Variants in KCNN2 observed in about 807,000 individuals in gnomAD.
KCNN2 encodes potassium calcium-activated channel subfamily N member 2, also known as small conductance calcium-activated potassium channel protein 2.
A neutral mutation model predicts 55.5 loss-of-function variants in KCNN2; 24 were observed. That is an observed-to-expected ratio of 0.43 (90% CI 0.31 to 0.61). The LOEUF is 0.61. KCNN2 is among the 20% of genes least tolerant of loss of function. The pLI is 0.08. For synonymous variants in KCNN2, 431 were observed against 336.1 expected (o/e 1.28, Z -3.09); for missense variants, 754 against 853.6 (o/e 0.88, Z 1.45).
intron 1 of KCNN2, among the ~76,000 whole-genome samples, chr5:114,160,832 C>CG (rs1291004521): frequency 5.3e-5 from 8 of 152,006 alleles, no homozygotes; most frequent in Non-Finnish European, 7.4e-5. Flanking sequence ...GCAACCCCTG[C>CG]CTTTTTTTGT....
At chr5:114,373,180 C>G (rs1329903405) in intron 2 of KCNN2, among the ~76,000 whole-genome samples, 1 of 152,040 alleles carries the variant, frequency 6.6e-6, no homozygotes, top group Non-Finnish European at 1.5e-5. Flanking sequence ...GTGCCAGGTT[C>G]ATTGAGTACT....
chr5:114,466,494 A>T (rs1192495519), intron 4 of KCNN2, among the ~76,000 whole-genome samples: 2 of 151,338 alleles, frequency 1.3e-5, no homozygotes, highest in Admixed American at 6.6e-5. Flanking sequence ...TATATATATA[A>T]AACACATCCT....
chr5:114,107,237 G>A (rs1385887291), intron 1 of KCNN2, among the ~76,000 whole-genome samples: 1 of 151,884 alleles, frequency 6.6e-6, no homozygotes, highest in Non-Finnish European at 1.5e-5. Flanking sequence ...TCTCTATTTT[G>A]TTCCAACAGT....
At chr5:114,318,885 C>G (rs975993647) in intron 2 of KCNN2, among the ~76,000 whole-genome samples, 1 of 151,968 alleles carries the variant, frequency 6.6e-6, no homozygotes, top group African/African-American at 2.4e-5. Flanking sequence ...TTTAATTATT[C>G]TCACTGAACT....
intron 2 of KCNN2, among the ~76,000 whole-genome samples, chr5:114,326,346 C>G (rs1410916747): frequency 6.6e-6 from 1 of 152,040 alleles, no homozygotes; most frequent in Non-Finnish European, 1.5e-5. Context: ...GTGGGAGGTG[C>G]GATCTGAGGG....
intron 2 of KCNN2, among the ~76,000 whole-genome samples, chr5:114,234,749 C>T (rs1231944817): frequency 2.0e-5 from 3 of 152,172 alleles, no homozygotes; most frequent in Admixed American, 6.5e-5. Flanking sequence ...CTCGGGGAAA[C>T]ATTTAGGGAG....
Position 114,232,220 on chromosome 5 carries a change from A to T in KCNN2, c.-185+10655A>T, listed in dbSNP as rs982520486. ...GGCAAGAGGCGTCATTGAATAGAGG[A>T]TTAATGGTCTCGTCTGAATTAGAAA... On this transcript the variant is annotated intron_variant, in intron 2 of 10. Coordinates refer to the KCNN2 transcript ENST00000512097. Among the ~76,000 whole-genome samples, 10 of 150,900 alleles carry T rather than the reference A, an allele frequency of 6.6e-5. 1 individual carries two copies. Among genetic ancestry groups the T allele is most frequent in the African/African-American group, 2.2e-4 (9 of 40,256 alleles).
At chr5:114,459,370 C>T (rs1180165599) in intron 3 of KCNN2, among the ~76,000 whole-genome samples, 1 of 152,176 alleles carries the variant, frequency 6.6e-6, no homozygotes, top group African/African-American at 2.4e-5. Context: ...CAGAATAGTT[C>T]TCCTTGTAGA....
chr5:114,285,106 C>A (rs1478278877), intron 2 of KCNN2, among the ~76,000 whole-genome samples: 5 of 150,590 alleles, frequency 3.3e-5, no homozygotes, highest in African/African-American at 7.3e-5. Context: ...CACAGTGAAA[C>A]CCCGTCTCTA....
intron 1 of KCNN2, among the ~76,000 whole-genome samples, chr5:114,076,499 A>G (rs191098777): frequency 1.3e-5 from 2 of 152,340 alleles, no homozygotes. Flanking sequence ...ATTTTATAAA[A>G]GGATCCTTAC....
intron 1 of KCNN2, among the ~76,000 whole-genome samples, chr5:114,209,054 A>T (rs966581679): frequency 1.0e-4 from 14 of 135,114 alleles, no homozygotes; most frequent in African/African-American, 3.7e-4. Flanking sequence ...ACTGTTGGTG[A>T]CTTCTGCCTT....
At chr5:114,466,213 T>C (rs1053095264) in intron 4 of KCNN2, among the ~76,000 whole-genome samples, 13 of 152,010 alleles carry the variant, frequency 8.6e-5, no homozygotes. Context: ...TTACTTATTT[T>C]CTCTTTTTAT....
chr5:114,433,560 C>G (rs1269262498), intron 3 of KCNN2: 1 of 152,444 alleles, frequency 6.6e-6, no homozygotes, highest in Non-Finnish European at 1.5e-5. Flanking sequence ...TGTTCTTTCG[C>G]TCTTTTGCAA....
intron 2 of KCNN2, among the ~76,000 whole-genome samples, chr5:114,221,594 C>T (rs1278277232): frequency 6.6e-6 from 1 of 152,066 alleles, no homozygotes; most frequent in East Asian, 1.9e-4. Context: ...AAAATATGTA[C>T]ATTTAGTTCT....
intron 2 of KCNN2, among the ~76,000 whole-genome samples, chr5:114,259,733 C>G (rs1408587121): frequency 2.6e-5 from 4 of 152,138 alleles, no homozygotes; most frequent in Non-Finnish European, 5.9e-5. Context: ...CTCCCACTCA[C>G]CCTTCCAATG....
At chr5:114,238,416 A>G (rs1031166404) in intron 2 of KCNN2, among the ~76,000 whole-genome samples, 5 of 152,100 alleles carry the variant, frequency 3.3e-5, no homozygotes, top group Admixed American at 3.3e-4. Context: ...GTCTGAGCTC[A>G]GGAGTTCAAG....
chr5:114,458,652 T>C (rs1406979026), intron 3 of KCNN2, among the ~76,000 whole-genome samples: 2 of 152,202 alleles, frequency 1.3e-5, no homozygotes, highest in African/African-American at 4.8e-5. Context: ...AAGGGTATGT[T>C]AGATGAGTGA....
chr5:114,353,600 T>C (rs1757250903), intron 2 of KCNN2, among the ~76,000 whole-genome samples: 1 of 151,980 alleles, frequency 6.6e-6, no homozygotes, highest in African/African-American at 2.4e-5. Flanking sequence ...GCTTTCAGCC[T>C]GAAAGCTTTC....
At chr5:114,060,849 T>C (rs952525223) in intron 1 of KCNN2, among the ~76,000 whole-genome samples, 14 of 152,248 alleles carry the variant, frequency 9.2e-5, no homozygotes, top group African/African-American at 2.9e-4. Flanking sequence ...AGCCATTTAA[T>C]TGTCAATGCT....
Sources: allele counts gnomAD v4.1 joint callset (sites outside exome capture counted in the v4.1 genomes callset), GRCh38; gene constraint gnomAD v4.1.1; transcripts MANE v1.5; gene names NCBI Gene and HGNC (gene_info 2026-07-23, HGNC 2026-07-21).